Variants in ARHGAP24 observed in about 807,000 individuals in gnomAD.
ARHGAP24 encodes the protein Rho GTPase activating protein 24.
ARHGAP24 carries 50 observed loss-of-function variants against 76.4 expected under a neutral mutation model. The ratio of observed to expected loss-of-function variants is 0.65; its 90% CI spans 0.52 to 0.83. ARHGAP24 has a LOEUF of 0.83. Among genes scored for constraint, ARHGAP24 ranks in the 40% least tolerant of loss-of-function variants. The probability of loss-of-function intolerance (pLI) is 0.00; values close to 1 mark genes in which losing one functional copy is unlikely to be tolerated. For missense variants in ARHGAP24, 930 were observed against 914.2 expected (o/e 1.02, Z -0.22); for synonymous variants, 345 against 323.3 (o/e 1.07, Z -0.72).
chr4:85,765,993 C>T (rs997862032), intron 3 of ARHGAP24, among the ~76,000 whole-genome samples: 2 of 152,014 alleles, frequency 1.3e-5, no homozygotes, highest in African/African-American at 2.4e-5. Context: ...TTATGAATTA[C>T]GGGGTACAAA....
At chr4:85,989,247 G>A (rs1203015282) in intron 8 of ARHGAP24, among the ~76,000 whole-genome samples, 1 of 151,600 alleles carries the variant, frequency 6.6e-6, no homozygotes, top group Non-Finnish European at 1.5e-5. Flanking sequence ...ATAATCATAA[G>A]GGACTATTAT....
At chr4:85,916,439 G>A (rs1303294281) in intron 3 of ARHGAP24, among the ~76,000 whole-genome samples, 5 of 151,962 alleles carry the variant, frequency 3.3e-5, no homozygotes, top group East Asian at 1.9e-4. Flanking sequence ...GTTAATTTTC[G>A]ACCAGGTGAA....
rs558069251 is a variant in ARHGAP24, at chr4:85,478,478, T to C, written c.-21+2919T>C. Reference sequence around the variant, plus strand: ...TGATGAAGAATCAAAGAATATTCAGTTTTCAGTGGTTATTGTGTACATTTG... The same window carrying C: ...TGATGAAGAATCAAAGAATATTCAGCTTTCAGTGGTTATTGTGTACATTTG... On this transcript the variant is annotated intron_variant, in intron 1 of 9. Transcript: ENST00000395184. 2.0e-5 allele frequency among the ~76,000 whole-genome samples: 3 copies of C among 152,300 alleles called. No individual in the cohort carries two copies. The South Asian group carries it at 6.2e-4, about 32-fold the overall frequency.
At chr4:85,484,223 A>G (rs1329473837) in intron 1 of ARHGAP24, among the ~76,000 whole-genome samples, 6 of 152,106 alleles carry the variant, frequency 3.9e-5, no homozygotes, top group African/African-American at 1.4e-4. Context: ...AGAACTATAC[A>G]TTGTTTATAT....
At chr4:85,988,589 T>A (rs1740139490) in intron 8 of ARHGAP24, among the ~76,000 whole-genome samples, 3 of 150,498 alleles carry the variant, frequency 2.0e-5, no homozygotes, top group Admixed American at 1.3e-4. Context: ...AAAGATAAAA[T>A]GGAATGTTAT....
intron 5 of ARHGAP24, among the ~76,000 whole-genome samples, chr4:85,952,767 G>A (rs1056416891): frequency 1.1e-4 from 17 of 152,200 alleles, no homozygotes; most frequent in African/African-American, 2.4e-4. Context: ...GAGAAAGGGC[G>A]TTCTCATTGA....
intron 8 of ARHGAP24, chr4:85,992,252 CCTAAACAA>C: frequency 2.5e-6 from 1 of 395,806 alleles, no homozygotes; most frequent in Non-Finnish European, 4.5e-6. Flanking sequence ...GCTAGTCTGT[CCTAAACAA>C]CTATAAAAAT....
At chr4:85,796,976 G>A (rs537833517) in intron 3 of ARHGAP24, among the ~76,000 whole-genome samples, 2 of 152,156 alleles carry the variant, frequency 1.3e-5, no homozygotes, top group African/African-American at 4.8e-5. Flanking sequence ...TGGGCACTGA[G>A]GAAGGTGTGT....
chr4:85,886,230 T>C (rs1733558940), intron 3 of ARHGAP24, among the ~76,000 whole-genome samples: 1 of 152,196 alleles, frequency 6.6e-6, no homozygotes, highest in Admixed American at 6.5e-5. Context: ...ATTTATTTAC[T>C]GTAATATGAT....
At position 86,000,926 on chromosome 4, in the gene ARHGAP24, C is replaced by CA. The variant is rs1740985654; in HGVS notation, c.*206dup. The CA allele has an allele frequency of 1.4e-6, 1 of 710,364 alleles. No homozygotes were observed. The highest frequency in any genetic ancestry group is 2.3e-6 in the Non-Finnish European group (1 of 437,548). 44.0% of individuals were successfully genotyped at this position (710,364 alleles called of 1,614,324 possible). ...CCCATAATGCTACTGTCAAGTGTTA[C>CA]AACTGGATATGTGTATATAGAGTAG... On this transcript the variant is annotated 3_prime_UTR_variant, in exon 10 of 10. Coordinates refer to ENST00000395184, the MANE Select transcript of ARHGAP24 (RefSeq NM_001025616.3).
intron 2 of ARHGAP24, among the ~76,000 whole-genome samples, chr4:85,622,235 T>A (rs1720743315): frequency 7.9e-6 from 1 of 127,234 alleles, no homozygotes; most frequent in South Asian, 3.3e-4. Flanking sequence ...CTCCTAATGC[T>A]ATCCCTCCCC....
At chr4:85,729,161 A>C (rs1725293760) in intron 3 of ARHGAP24, among the ~76,000 whole-genome samples, 1 of 151,972 alleles carries the variant, frequency 6.6e-6, no homozygotes, top group Non-Finnish European at 1.5e-5. Context: ...GGCAGCCGTG[A>C]AGCTTGTATT....
Position 85,697,461 on chromosome 4 carries a change from C to T in ARHGAP24, c.181-24424C>T, listed in dbSNP as rs376030717. 2.0e-3 allele frequency among the ~76,000 whole-genome samples: 308 copies of T among 152,092 alleles called. 1 individual carries two copies. Among genetic ancestry groups the T allele is most frequent in the Middle Eastern group, 6.8e-3 (2 of 294 alleles). On this transcript the variant is annotated intron_variant, in intron 2 of 9. Coordinates refer to ENST00000395184, the MANE Select transcript of ARHGAP24 (RefSeq NM_001025616.3). The stretch of plus-strand genomic sequence containing the variant: ...GTTGGACATATGTAACAAACCTGCA[C>T]GTTGTGCACATGTACCCTAAAACTT...
At position 85,724,484 on chromosome 4, in the gene ARHGAP24, CATGT is replaced by C. The variant is rs1246636833; in HGVS notation, c.268+2513_268+2516del. 1.6e-4 allele frequency among the ~76,000 whole-genome samples: 13 copies of C among 79,846 alleles called. No homozygotes were observed. The East Asian group carries it at 4.8e-3, about 30-fold the overall frequency. 52.4% of individuals were successfully genotyped at this position (79,846 alleles called of 152,430 possible). On this transcript the variant is annotated intron_variant, in intron 3 of 9. Transcript: ENST00000395184. ...GCACTGTATGTCCTTATAATTTTTC[CATGT>C]GTGTATATATATATATATATATATA...
At chr4:85,938,729 T>G (rs1736790485) in intron 4 of ARHGAP24, among the ~76,000 whole-genome samples, 1 of 152,214 alleles carries the variant, frequency 6.6e-6, no homozygotes, top group African/African-American at 2.4e-5. Flanking sequence ...CTAAAACTTT[T>G]TTATATATTA....
chr4:85,887,586 A>AGGGG (rs1733632922), intron 3 of ARHGAP24, among the ~76,000 whole-genome samples: 1 of 152,236 alleles, frequency 6.6e-6, no homozygotes, highest in Non-Finnish European at 1.5e-5. Context: ...AATATTTTAC[A>AGGGG]ACACTAAAAC....
chr4:85,963,016 G>A (rs1433752859), intron 5 of ARHGAP24, among the ~76,000 whole-genome samples: 1 of 151,622 alleles, frequency 6.6e-6, no homozygotes, highest in African/African-American at 2.4e-5. Context: ...CTGTATGTAT[G>A]TACATTTATG....
At chr4:85,859,845 C>T (rs1021991668) in intron 3 of ARHGAP24, among the ~76,000 whole-genome samples, 3 of 152,084 alleles carry the variant, frequency 2.0e-5, no homozygotes, top group African/African-American at 7.2e-5. Context: ...CTTTTGAGCA[C>T]CCCTAGTTAT....
chr4:85,988,002 A>G (rs1560768137), intron 8 of ARHGAP24, among the ~76,000 whole-genome samples: 1 of 151,938 alleles, frequency 6.6e-6, no homozygotes, highest in Non-Finnish European at 1.5e-5. Context: ...TATATAACCA[A>G]AAGAAGTGGA....
Sources: allele counts gnomAD v4.1 joint callset (sites outside exome capture counted in the v4.1 genomes callset), GRCh38; gene constraint gnomAD v4.1.1; transcripts MANE v1.5; gene names NCBI Gene and HGNC (gene_info 2026-07-23, HGNC 2026-07-21).